Variants in ANO6 observed in about 807,000 individuals in gnomAD.
ANO6 encodes anoctamin-6.
A neutral mutation model predicts 117.5 loss-of-function variants in ANO6; 106 were observed. The observed-to-expected ratio is 0.90, with a 90% CI of 0.77 to 1.06. The LOEUF is 1.06. Ranked by LOEUF, ANO6 falls within the 50% of genes least tolerant of loss-of-function variation. The pLI is 0.00. For synonymous variants in ANO6, 367 were observed against 385.1 expected, an observed-to-expected ratio of 0.95 and a Z score of 0.55; for missense variants, 955 against 1,121.1, an observed-to-expected ratio of 0.85 and a Z score of 2.12.
At chr12:45,372,359 A>G (rs1379940378) in intron 9 of ANO6, among the ~76,000 whole-genome samples, 1 of 139,254 alleles carries the variant, frequency 7.2e-6, no homozygotes, top group African/African-American at 2.7e-5. Flanking sequence ...AAATACAGAG[A>G]ATGCCACAAA....
chr12:45,323,542 C>A (rs953805214), intron 2 of ANO6, among the ~76,000 whole-genome samples: 1 of 152,180 alleles, frequency 6.6e-6, no homozygotes, highest in Non-Finnish European at 1.5e-5. Flanking sequence ...TGTGAAAGCT[C>A]ACATTTATTG....
At chr12:45,323,056 G>T (rs1003014383) in intron 2 of ANO6, among the ~76,000 whole-genome samples, 1 of 152,116 alleles carries the variant, frequency 6.6e-6, no homozygotes, top group Non-Finnish European at 1.5e-5. Flanking sequence ...TCTGGCTCTG[G>T]TTCTGTTTAT....
intron 2 of ANO6, among the ~76,000 whole-genome samples, chr12:45,322,512 A>G (rs912963985): frequency 2.0e-5 from 3 of 152,160 alleles, no homozygotes; most frequent in Non-Finnish European, 4.4e-5. Context: ...GCTGAGAGTA[A>G]CTAATGGTTT....
rs550522370 is a variant in ANO6 at position 45,293,828 on chromosome 12, C to T, written c.71-8186C>T. On this transcript the variant is annotated intron_variant, in intron 1 of 19. Coordinates refer to ENST00000320560, the MANE Select transcript of ANO6 (RefSeq NM_001025356.3). ...TCGATCTCCTGACCTCATGATCCAC[C>T]CATCTCGGCCTCCCAAAGTGCTGGG... is the stretch of plus-strand genomic sequence containing the variant. 3.3e-5 allele frequency among the ~76,000 whole-genome samples: 5 copies of T among 149,908 alleles called. No homozygotes were observed. The East Asian group carries it at 9.8e-4, about 29-fold the overall frequency.
chr12:45,390,619 C>T (rs1439028727), intron 12 of ANO6, 121 bp downstream of exon 12: 2 of 878,952 alleles, frequency 2.3e-6, no homozygotes, highest in Non-Finnish European at 3.6e-6. Flanking sequence ...ACTATATGGT[C>T]TCAGAGAGAC....
chr12:45,387,320 T>C (rs1398271459), intron 10 of ANO6, among the ~76,000 whole-genome samples: 3 of 152,188 alleles, frequency 2.0e-5, no homozygotes, highest in Non-Finnish European at 4.4e-5. Context: ...TTATATAAGA[T>C]TGAGAAAAAT....
chr12:45,434,124 T>C (rs150001746), downstream of ANO6, among the ~76,000 whole-genome samples: 7 of 152,326 alleles, frequency 4.6e-5, no homozygotes, highest in East Asian at 1.3e-3. Flanking sequence ...TTTCACCTGT[T>C]CTTGGCCATA....
intron 1 of ANO6, among the ~76,000 whole-genome samples, chr12:45,234,360 T>C (rs1415501202): frequency 6.6e-6 from 1 of 152,348 alleles, no homozygotes; most frequent in South Asian, 2.1e-4. Flanking sequence ...AAGGAGTTCA[T>C]GTGTAATAAT....
Position 45,430,913 on chromosome 12 carries a change from G to C in ANO6, c.*1602G>C, listed in dbSNP as rs1334810641. ...GGTCATGCTGCATGGGCTTCACTGG[G>C]ATGCTGTTAAACACCAGAGGAGCCA... On this transcript the variant is annotated 3_prime_UTR_variant, in exon 20 of 20. Transcript: ENST00000320560. 1 of 985,314 alleles carries C rather than the reference G, an allele frequency of 1.0e-6. No individual in the cohort carries two copies. The highest frequency in any genetic ancestry group is 1.2e-6 in the Non-Finnish European group (1 of 829,944). The allele number at this position is 985,314 out of a possible 1,614,324, so 61.0% of individuals were successfully genotyped here. A position where few individuals can be genotyped will look rare whatever the true frequency, so the allele number is the denominator to read the frequency against.
chr12:45,414,193 T>G (rs1485240897), intron 16 of ANO6, among the ~76,000 whole-genome samples: 1 of 151,738 alleles, frequency 6.6e-6, no homozygotes, highest in Non-Finnish European at 1.5e-5. Context: ...AACTGTAACA[T>G]GTAGAAGCAA....
chr12:45,318,279 C>A (rs1940123565), intron 2 of ANO6, among the ~76,000 whole-genome samples: 1 of 152,092 alleles, frequency 6.6e-6, no homozygotes, highest in Admixed American at 6.6e-5. Context: ...AGTCTTTAAT[C>A]CATCTTGAAT....
intron 1 of ANO6, among the ~76,000 whole-genome samples, chr12:45,273,907 C>A (rs961805429): frequency 6.6e-6 from 1 of 152,174 alleles, no homozygotes; most frequent in Non-Finnish European, 1.5e-5. Context: ...GAGGATTGTT[C>A]ATTCATCATG....
chr12:45,337,848 C>T (rs995463572), intron 3 of ANO6, among the ~76,000 whole-genome samples: 11 of 151,770 alleles, frequency 7.2e-5, no homozygotes, highest in Non-Finnish European at 1.3e-4. Flanking sequence ...TTTTGGCTTC[C>T]ATTATATATG....
chr12:45,247,825 C>T (rs1321910676), intron 1 of ANO6, among the ~76,000 whole-genome samples: 1 of 152,186 alleles, frequency 6.6e-6, no homozygotes, highest in Non-Finnish European at 1.5e-5. Context: ...TCCCAATGAC[C>T]TTCCAAAGGC....
intron 6 of ANO6, 95 bp downstream of exon 6, chr12:45,348,726 C>A: frequency 1.0e-6 from 1 of 954,030 alleles, no homozygotes; most frequent in Non-Finnish European, 1.7e-6. Flanking sequence ...AAGTTTCTTC[C>A]TCAGTAAAAT....
At chr12:45,367,582 A>T in intron 8 of ANO6, 106 bp from the exon 9 acceptor site, 1 of 819,804 alleles carries the variant, frequency 1.2e-6, no homozygotes, top group South Asian at 1.7e-5. Context: ...TTCTGTTTCT[A>T]GTTTTACAAG....
In ANO6 at chr12:45,430,441, G is replaced by T; in HGVS notation, c.*1130G>T. 1.0e-6 allele frequency: 1 copy of T among 985,336 alleles called. No individual in the cohort carries two copies. Among genetic ancestry groups the T allele is most frequent in the Non-Finnish European group, 1.2e-6 (1 of 829,922 alleles). 61.0% of individuals were successfully genotyped at this position (985,336 alleles called of 1,614,324 possible). A position where few individuals can be genotyped will look rare whatever the true frequency, so the allele number is the denominator to read the frequency against. The stretch of plus-strand genomic sequence containing the variant: ...TTGGCTTATTTCTGTATGCCAAAGT[G>T]ATCAACACACCAAAGTCTCTGCCAT... On this transcript the variant is annotated 3_prime_UTR_variant, in exon 20 of 20. Coordinates refer to ENST00000320560, the MANE Select transcript of ANO6 (RefSeq NM_001025356.3).
At chr12:45,280,696 A>C (rs1938697713) in intron 1 of ANO6, among the ~76,000 whole-genome samples, 1 of 152,112 alleles carries the variant, frequency 6.6e-6, no homozygotes, top group African/African-American at 2.4e-5. Context: ...AACTGTTTCA[A>C]ACTCTCACTG....
chr12:45,373,108 AC>A (rs1202215794), intron 9 of ANO6, among the ~76,000 whole-genome samples: 25 of 152,172 alleles, frequency 1.6e-4, no homozygotes, highest in African/African-American at 5.8e-4. Context: ...ATCAAAAGAG[AC>A]AAAGAAGGCC....
Sources: allele counts gnomAD v4.1 joint callset (sites outside exome capture counted in the v4.1 genomes callset), GRCh38; gene constraint gnomAD v4.1.1; transcripts MANE v1.5; gene names NCBI Gene and HGNC (gene_info 2026-07-23, HGNC 2026-07-21).